Variants in PMPCB observed in about 807,000 individuals in gnomAD.
PMPCB encodes mitochondrial-processing peptidase subunit beta.
A neutral mutation model predicts 61.5 loss-of-function variants in PMPCB; 46 were observed. That is an observed-to-expected ratio of 0.75 (90% CI 0.59 to 0.96). The LOEUF is 0.96. Ranked by LOEUF, PMPCB falls within the 40% of genes least tolerant of loss-of-function variation. The probability of loss-of-function intolerance (pLI) is 0.00; values close to 1 mark genes in which losing one functional copy is unlikely to be tolerated. For missense variants in PMPCB, 590 were observed against 602.4 expected, an observed-to-expected ratio of 0.98 and a Z score of 0.22; for synonymous variants, 191 against 201.6, an observed-to-expected ratio of 0.95 and a Z score of 0.44.
chr7:103,299,277 AT>A (rs1360534730), intron 2 of PMPCB, among the ~76,000 whole-genome samples, 165 bp from the exon 3 acceptor site: 1 of 152,178 alleles, frequency 6.6e-6, no homozygotes, highest in Non-Finnish European at 1.5e-5. Flanking sequence ...CCTGATCGAA[AT>A]TTTTAAATCT....
chr7:103,336,872 C>T, the PMPCB span: 8 of 152,222 alleles, frequency 5.3e-5, no homozygotes, highest in Admixed American at 2.0e-4. Flanking sequence ...GTAATGGGGA[C>T]GATTTTGAGT....
chr7:103,308,618 C>CA (rs1282173309), intron 7 of PMPCB, among the ~76,000 whole-genome samples: 21 of 147,714 alleles, frequency 1.4e-4, no homozygotes, highest in East Asian at 4.0e-4. Context: ...GACTCTGTCT[C>CA]AAAAAAAAAG....
At chr7:103,322,730 C>T (rs1818488171) in intron 12 of PMPCB, 1 of 1,611,700 alleles carries the variant, frequency 6.2e-7, no homozygotes, top group Non-Finnish European at 8.5e-7. Context: ...CTGTTCATTT[C>T]TTCTTTTTTT....
Position 103,312,396 on chromosome 7 carries a change from A to G in PMPCB, c.*125A>G. ...ATACTGTATCATACTTTCAAAGGAT[A>G]AAAAGACTACCCCTCTGAAGGTTGT... On this transcript the variant is annotated 3_prime_UTR_variant, in exon 13 of 13. Transcript: ENST00000249269. The G allele has an allele frequency of 2.0e-6, 3 of 1,519,130 alleles. No individual in the cohort carries two copies. The highest frequency in any genetic ancestry group is 2.4e-4 in the Middle Eastern group (1 of 4,234). The allele number at this position is 1,519,130 out of a possible 1,614,324, so 94.1% of individuals were successfully genotyped here. A position where few individuals can be genotyped will look rare whatever the true frequency, so the allele number is the denominator to read the frequency against.
intron 12 of PMPCB, among the ~76,000 whole-genome samples, chr7:103,321,378 C>T (rs905289555): frequency 3.3e-5 from 5 of 151,610 alleles, no homozygotes; most frequent in Admixed American, 6.6e-5. Flanking sequence ...ATTAGCCAGG[C>T]GTGGTGGCAG....
At chr7:103,310,782 A>G (rs1430163145) in intron 9 of PMPCB, 1 of 159,094 alleles carries the variant, frequency 6.3e-6, no homozygotes, top group East Asian at 1.8e-4. Context: ...GGTTCAAGCC[A>G]TTCTCCCACC....
At chr7:103,303,323 C>T (rs1817497475) in intron 4 of PMPCB, among the ~76,000 whole-genome samples, 1 of 152,074 alleles carries the variant, frequency 6.6e-6, no homozygotes, top group Non-Finnish European at 1.5e-5. Context: ...TGGCATGTTC[C>T]CCAGGTTGGT....
intron 4 of PMPCB, 100 bp from the exon 5 acceptor site, chr7:103,303,742 G>T: frequency 5.5e-6 from 4 of 730,860 alleles, no homozygotes. Flanking sequence ...TTAGTATTGA[G>T]TGATGGGTCA....
downstream of PMPCB, among the ~76,000 whole-genome samples, chr7:103,332,405 A>T (rs2115995076): frequency 6.6e-6 from 1 of 152,294 alleles, no homozygotes; most frequent in South Asian, 2.1e-4. Context: ...TAGGTTTTGC[A>T]TACTCAGATT....
chr7:103,311,421 T>G, intron 9 of PMPCB: 1 of 555,836 alleles, frequency 1.8e-6, no homozygotes, highest in Non-Finnish European at 3.2e-6. Flanking sequence ...ATCAGCCCAT[T>G]TGTATAAAGC....
At chr7:103,303,610 G>A (rs914421340) in intron 4 of PMPCB, among the ~76,000 whole-genome samples, 2 of 152,160 alleles carry the variant, frequency 1.3e-5, no homozygotes, top group African/African-American at 4.8e-5. Context: ...GTCATTACAA[G>A]GTGATGGCAA....
the PMPCB span, chr7:103,345,057 C>G: frequency 3.0e-6 from 1 of 329,086 alleles, no homozygotes; most frequent in South Asian, 1.4e-4. Flanking sequence ...TTCCCAGGAG[C>G]GCTATACTTT....
Position 103,312,472 on chromosome 7 carries a change from C to A in PMPCB, c.*201C>A. 6.5e-7 allele frequency: 1 copy of A among 1,549,810 alleles called. No individual in the cohort carries two copies. The highest frequency in any genetic ancestry group is 1.4e-5 in the African/African-American group (1 of 72,270). On this transcript the variant is annotated 3_prime_UTR_variant, in exon 13 of 13. Coordinates refer to ENST00000249269, the MANE Select transcript of PMPCB (RefSeq NM_004279.3). Reference sequence around the variant, plus strand: ...CTCTGAGAAATTATGTTGGAAGCAGCATACTTTCAAATTATTACCATGAGT... The same window carrying A: ...CTCTGAGAAATTATGTTGGAAGCAGAATACTTTCAAATTATTACCATGAGT...
At chr7:103,344,599 C>T in the PMPCB span, 1 of 1,612,714 alleles carries the variant, frequency 6.2e-7, no homozygotes, top group Non-Finnish European at 8.5e-7. Flanking sequence ...CCCGGCCGTC[C>T]GCGGCGCTTG....
At chr7:103,337,083 C>A in the PMPCB span, 2 of 152,198 alleles carry the variant, frequency 1.3e-5, no homozygotes, top group African/African-American at 4.8e-5. Flanking sequence ...AGATAGAAAA[C>A]TGATCACCTT....
downstream of PMPCB, chr7:103,317,023 A>T (rs778633512): frequency 4.3e-5 from 69 of 1,610,600 alleles, no homozygotes; most frequent in Non-Finnish European, 5.7e-5. Flanking sequence ...ATCTGCACAA[A>T]TATCATAAGT....
intron 12 of PMPCB, among the ~76,000 whole-genome samples, chr7:103,320,092 A>G (rs542500655): frequency 3.9e-5 from 6 of 152,082 alleles, no homozygotes; most frequent in African/African-American, 1.4e-4. Flanking sequence ...AAATGTTTTT[A>G]ACTTTTTCTT....
chr7:103,317,251 T>G (rs1180497041), downstream of PMPCB: 2 of 455,482 alleles, frequency 4.4e-6, no homozygotes, highest in Non-Finnish European at 7.7e-6. Context: ...CCAGTACTCA[T>G]GTCATGTGAC....
the PMPCB span, chr7:103,344,753 A>G: frequency 1.2e-5 from 11 of 904,100 alleles, 1 homozygote; most frequent in Non-Finnish European, 1.9e-5. Flanking sequence ...GAACCGGCGC[A>G]TGGAGACGAC....
Sources: gnomAD v4.1 joint callset for allele counts (sites outside exome capture counted in the v4.1 genomes callset) on GRCh38, gnomAD v4.1.1 for gene constraint, MANE v1.5 for transcripts, NCBI Gene and HGNC (gene_info 2026-07-23, HGNC 2026-07-21) for gene names.